MYO5B: variants seen among roughly 807,000 people sequenced by gnomAD.
MYO5B encodes the protein unconventional myosin-Vb.
A neutral mutation model predicts 229.3 loss-of-function variants in MYO5B; 143 were observed. The observed-to-expected ratio is 0.62, with a 90% CI of 0.54 to 0.72. MYO5B has a LOEUF of 0.72. MYO5B is among the 30% of genes least tolerant of loss of function. MYO5B has a pLI of 0.00. For missense variants in MYO5B, 2,321 were observed against 2,331.0 expected (o/e 1.00, Z 0.09); for synonymous variants, 918 against 885.2 (o/e 1.04, Z -0.66).
chr18:50,194,022 C>A (rs2033263916), intron 1 of MYO5B, among the ~76,000 whole-genome samples: 1 of 152,216 alleles, frequency 6.6e-6, no homozygotes, highest in African/African-American at 2.4e-5. Flanking sequence ...ACCCTGCTCC[C>A]GGTTCGACTT....
chr18:49,941,131 G>A (rs920714431), intron 14 of MYO5B, among the ~76,000 whole-genome samples: 2 of 152,138 alleles, frequency 1.3e-5, no homozygotes, highest in African/African-American at 2.4e-5. Context: ...GAATCAACAC[G>A]TGTCAGTTTC....
In MYO5B at chr18:49,997,596, T is replaced by C. The variant is rs2026003584; in HGVS notation, c.612+3659A>G. Among the ~76,000 whole-genome samples, 4 of 152,136 alleles carry C rather than the reference T, an allele frequency of 2.6e-5. No individual in the cohort carries two copies. In the South Asian group the frequency reaches 8.3e-4, roughly 32 times the overall value. On this transcript the variant is annotated intron_variant, in intron 5 of 39. Coordinates refer to ENST00000285039, the MANE Select transcript of MYO5B (RefSeq NM_001080467.3). Reference sequence around the variant, plus strand: ...TCTAACAGTCTCTTGATTATCAATGTTCTTTTAATCAGTGCAGACTTGTGA... The same window carrying C: ...TCTAACAGTCTCTTGATTATCAATGCTCTTTTAATCAGTGCAGACTTGTGA...
chr18:50,160,629 G>C (rs1210719093), intron 1 of MYO5B, among the ~76,000 whole-genome samples: 1 of 152,154 alleles, frequency 6.6e-6, no homozygotes, highest in Non-Finnish European at 1.5e-5. Flanking sequence ...CCAGCAATGA[G>C]AGGGTCGGGG....
At chr18:49,913,574 C>G (rs8084214) in intron 17 of MYO5B, among the ~76,000 whole-genome samples, 1 of 152,102 alleles carries the variant, frequency 6.6e-6, no homozygotes, top group East Asian at 1.9e-4. Flanking sequence ...ATACCCCTCA[C>G]GTGGAAGTAA....
chr18:49,894,869 G>T, intron 22 of MYO5B, 72 bp downstream of exon 22: 2 of 1,309,150 alleles, frequency 1.5e-6, no homozygotes, highest in Non-Finnish European at 2.2e-6. Flanking sequence ...AAGCAGCAGT[G>T]CTCTCTGAGA....
At chr18:49,891,280 CCTT>C (rs913565858) in intron 22 of MYO5B, among the ~76,000 whole-genome samples, 1 of 152,184 alleles carries the variant, frequency 6.6e-6, no homozygotes, top group African/African-American at 2.4e-5. Flanking sequence ...CTCAGAAAGA[CCTT>C]CTGTGGCCAT....
rs2023840407 is a variant in MYO5B, at chr18:49,826,099, T to C, written c.*372A>G. ...TTGAAGGCAATTTATGTGACTTATA[T>C]ATATTTGGTATTTTAATTTGGACAT... On this transcript the variant is annotated 3_prime_UTR_variant, in exon 40 of 40. Coordinates refer to ENST00000285039, the MANE Select transcript of MYO5B (RefSeq NM_001080467.3). The C allele has an allele frequency of 3.6e-6, 1 of 276,974 alleles. No homozygotes were observed. Among genetic ancestry groups the C allele is most frequent in the East Asian group, 9.0e-5 (1 of 11,080 alleles). The allele number at this position is 276,974 out of a possible 1,614,324, so 17.2% of individuals were successfully genotyped here. A position where few individuals can be genotyped will look rare whatever the true frequency, so the allele number is the denominator to read the frequency against.
rs1472115452 is a variant in MYO5B at position 49,954,333 on chromosome 18, T to C, written c.1648A>G (p.Ile550Val). The C allele has an allele frequency of 1.2e-6, 2 of 1,613,958 alleles. No homozygotes were observed. The highest frequency in any genetic ancestry group is 8.5e-7 in the Non-Finnish European group (1 of 1,179,952). The change falls in exon 13 of 40, where the codon ATC becomes GTC. Residue 550 changes from isoleucine to valine, a missense_variant. By Grantham distance (29) the Ile-to-Val change is conservative. Around this residue, in one of 2 missense-constraint regions of MYO5B, gnomAD observed 2,113 missense variants for 2,044.7 expected, o/e 1.03. Coordinates refer to ENST00000285039, the MANE Select transcript of MYO5B (RefSeq NM_001080467.3). ...GCCACCTTGTCTGCAAAGTGGACGA[T>C]GATGAAGGCCGTGTTGGACATGCGG... ...KPRMSNTAFI[I>V]VHFADKVEYL...
At chr18:49,982,658 A>C (rs2025828222) in intron 8 of MYO5B, among the ~76,000 whole-genome samples, 1 of 152,168 alleles carries the variant, frequency 6.6e-6, no homozygotes, top group South Asian at 2.1e-4. Flanking sequence ...GTTCTATCGG[A>C]ACACAGTCAT....
intron 22 of MYO5B, among the ~76,000 whole-genome samples, chr18:49,889,700 T>G (rs1598859765): frequency 6.6e-6 from 1 of 152,170 alleles, no homozygotes; most frequent in African/African-American, 2.4e-5. Context: ...TCAATATCCC[T>G]CTGAAATGGA....
chr18:49,967,485 A>T (rs2025638824), intron 10 of MYO5B, among the ~76,000 whole-genome samples: 1 of 152,238 alleles, frequency 6.6e-6, no homozygotes, highest in Non-Finnish European at 1.5e-5. Context: ...TTTCCAATTT[A>T]TAAAGCTCAC....
At chr18:50,147,942 C>T (rs1020401138) in intron 1 of MYO5B, among the ~76,000 whole-genome samples, 1 of 149,330 alleles carries the variant, frequency 6.7e-6, no homozygotes, top group African/African-American at 2.5e-5. Flanking sequence ...ACTAGCAAGA[C>T]TAATAAAGAA....
At chr18:49,942,879 G>T (rs946463583) in intron 14 of MYO5B, among the ~76,000 whole-genome samples, 3 of 152,072 alleles carry the variant, frequency 2.0e-5, no homozygotes, top group African/African-American at 7.2e-5. Flanking sequence ...ATACCCAAAG[G>T]ATTATAAATC....
intron 4 of MYO5B, among the ~76,000 whole-genome samples, chr18:50,033,342 A>C (rs905736151): frequency 2.6e-5 from 4 of 152,064 alleles, no homozygotes; most frequent in African/African-American, 9.7e-5. Context: ...ACCCAGCTAA[A>C]ATCCTAGTTT....
intron 1 of MYO5B, among the ~76,000 whole-genome samples, chr18:50,069,599 G>C (rs1245021064): frequency 6.6e-6 from 1 of 152,162 alleles, no homozygotes; most frequent in Non-Finnish European, 1.5e-5. Context: ...CACTAGAAGA[G>C]CACTGTTTAG....
Position 49,954,359 on chromosome 18 carries a change from G to T in MYO5B, c.1622C>A (p.Pro541His). Residue 541 changes from proline (P) to histidine (H), a missense_variant, in exon 13 of 40, where the codon CCC becomes CAC. Pro to His is a moderately conservative substitution (Grantham distance 77). This residue lies in a region of MYO5B where 2,113 missense variants were observed against 2,044.7 expected (regional missense o/e 1.03). Transcript: ENST00000285039. The part of the protein sequence containing the change: ...RHSSSQHFQK[P>H]RMSNTAFIIV... ...GATGAAGGCCGTGTTGGACATGCGG[G>T]GCTTCTGGAAGTGCTGGCTGCTGGA... The T allele has an allele frequency of 1.2e-6, 2 of 1,614,016 alleles. No individual in the cohort carries two copies. The highest frequency in any genetic ancestry group is 8.5e-7 in the Non-Finnish European group (1 of 1,179,994).
chr18:50,124,101 A>C (rs1423723774), intron 1 of MYO5B, among the ~76,000 whole-genome samples: 1 of 152,206 alleles, frequency 6.6e-6, no homozygotes, highest in Non-Finnish European at 1.5e-5. Flanking sequence ...CTAAAAATTC[A>C]ACAAAGTCAC....
intron 9 of MYO5B, among the ~76,000 whole-genome samples, chr18:49,975,586 C>T (rs1037969824): frequency 1.2e-4 from 19 of 152,050 alleles, no homozygotes; most frequent in Non-Finnish European, 1.9e-4. Flanking sequence ...AGTTCCTCAG[C>T]GTGGAAAGCT....
chr18:49,831,206 G>T (rs534692561), intron 39 of MYO5B, among the ~76,000 whole-genome samples: 71 of 152,042 alleles, frequency 4.7e-4, no homozygotes, highest in Non-Finnish European at 8.5e-4. Flanking sequence ...AAACATAGGG[G>T]AAAGTATTTA....
Sources: allele counts gnomAD v4.1 joint callset (sites outside exome capture counted in the v4.1 genomes callset), GRCh38; gene constraint gnomAD v4.1.1; regional missense constraint gnomAD v4.1.1; transcripts MANE v1.5; gene names NCBI Gene and HGNC (gene_info 2026-07-23, HGNC 2026-07-21).